CBLB: variants seen among roughly 807,000 people sequenced by gnomAD.
CBLB encodes the protein E3 ubiquitin-protein ligase CBL-B.
Under a neutral mutation model 104.9 loss-of-function variants are expected in CBLB, and 31 were observed. The ratio of observed to expected loss-of-function variants is 0.30; its 90% confidence interval spans 0.22 to 0.40. CBLB has a LOEUF of 0.40. CBLB is among the 10% of genes least tolerant of loss of function. The pLI is 1.00. For missense variants in CBLB, 1,062 were observed against 1,214.6 expected (o/e 0.87, Z 1.87); for synonymous variants, 440 against 422.6 (o/e 1.04, Z -0.51).
In CBLB at chr3:105,811,702, G is replaced by A. The variant is rs181930183; in HGVS notation, c.420-35160C>T. Among the ~76,000 whole-genome samples the A allele has an allele frequency of 2.3e-4, 35 of 151,758 alleles. No homozygotes were observed. The East Asian group carries it at 6.8e-3, about 29-fold the overall frequency. On this transcript the variant is annotated intron_variant, in intron 3 of 18. Transcript: ENST00000394030. ...AAGTTCTGTAATTCTACAACCCTACGAAAATTACTTCCTTTTTTTTTTTTG... is the reference window on the plus strand; with the variant it reads ...AAGTTCTGTAATTCTACAACCCTACAAAAATTACTTCCTTTTTTTTTTTTG...
Position 105,868,810 on chromosome 3 carries a change from TG to T in CBLB, c.-90del. 1 of 995,786 alleles carries T rather than the reference TG, an allele frequency of 1.0e-6. No homozygotes were observed. Among genetic ancestry groups the T allele is most frequent in the Admixed American group, 6.1e-5 (1 of 16,492 alleles). The allele number at this position is 995,786 out of a possible 1,614,324, so 61.7% of individuals were successfully genotyped here. ...CCACACGCACGCAGCCCAGTGTGTGTGGGGAGCCCCGGCTGGGAGTGGGATC... is the reference window on the plus strand; with the variant it reads ...CCACACGCACGCAGCCCAGTGTGTGTGGGAGCCCCGGCTGGGAGTGGGATC... On this transcript the variant is annotated 5_prime_UTR_variant, in exon 1 of 19. Transcript: ENST00000394030.
chr3:105,691,234 G>A (rs1273826794), intron 13 of CBLB, among the ~76,000 whole-genome samples: 5 of 152,166 alleles, frequency 3.3e-5, no homozygotes, highest in African/African-American at 1.2e-4. Flanking sequence ...CATTTGTACT[G>A]CTAACTATGG....
chr3:105,846,174 TTTTGA>T (rs1307307678), intron 3 of CBLB, among the ~76,000 whole-genome samples: 2 of 152,052 alleles, frequency 1.3e-5, no homozygotes, highest in Non-Finnish European at 2.9e-5. Context: ...TAGTTGCCTA[TTTTGA>T]TTTATTTAGA....
At chr3:105,680,753 ATTATT>A (rs1462051226) in intron 16 of CBLB, among the ~76,000 whole-genome samples, 3 of 152,232 alleles carry the variant, frequency 2.0e-5, no homozygotes, top group African/African-American at 7.2e-5. Context: ...TTCATCATAT[ATTATT>A]TTATGTTACA....
At chr3:105,866,872 C>A (rs961109698) in intron 2 of CBLB, among the ~76,000 whole-genome samples, 2 of 152,188 alleles carry the variant, frequency 1.3e-5, no homozygotes, top group Non-Finnish European at 2.9e-5. Flanking sequence ...ATGAAAGAAA[C>A]TGTTAACTCT....
intron 3 of CBLB, among the ~76,000 whole-genome samples, chr3:105,805,300 CA>C (rs1327800027): frequency 1.6e-4 from 24 of 146,148 alleles, no homozygotes; most frequent in Non-Finnish European, 1.3e-4. Flanking sequence ...ATATGGCCCC[CA>C]ATTTTTTTTT....
At chr3:105,838,033 T>C (rs560107845) in intron 3 of CBLB, among the ~76,000 whole-genome samples, 87 of 151,864 alleles carry the variant, frequency 5.7e-4, no homozygotes, top group African/African-American at 1.6e-3. Context: ...CTGGATACCA[T>C]GGGAGACACA....
intron 12 of CBLB, among the ~76,000 whole-genome samples, chr3:105,695,291 T>G (rs1300968425): frequency 6.6e-6 from 1 of 151,876 alleles, no homozygotes; most frequent in African/African-American, 2.4e-5. Context: ...GTATTGGCTC[T>G]AATTTAACAA....
intron 3 of CBLB, among the ~76,000 whole-genome samples, chr3:105,826,147 T>C (rs2086551033): frequency 6.6e-6 from 1 of 152,114 alleles, no homozygotes; most frequent in Non-Finnish European, 1.5e-5. Context: ...ATTTTGTTTA[T>C]GGGGACTCAA....
At chr3:105,810,024 A>G (rs987428350) in intron 3 of CBLB, among the ~76,000 whole-genome samples, 3 of 152,212 alleles carry the variant, frequency 2.0e-5, no homozygotes, top group Admixed American at 2.0e-4. Context: ...AGAAAAAAAG[A>G]AACTTTAAAA....
intron 10 of CBLB, among the ~76,000 whole-genome samples, chr3:105,708,507 T>C (rs1576504301): frequency 6.6e-6 from 1 of 152,140 alleles, no homozygotes; most frequent in East Asian, 1.9e-4. Flanking sequence ...CAAGTATGAC[T>C]ATCTAAGCTC....
chr3:105,867,405 C>T lies in CBLB; in HGVS notation c.168+5G>A, dbSNP rs776176186. On this transcript the variant is annotated splice_donor_5th_base_variant and intron_variant, in intron 2 of 18. Coordinates refer to ENST00000394030, the MANE Select transcript of CBLB (RefSeq NM_170662.5). ...TTCGCACAGGCAACGTCAGACAGAA[C>T]TTACCACTTTGTCCATGAGCTTCCA... The T allele has an allele frequency of 3.1e-6, 5 of 1,614,086 alleles. No homozygotes were observed. The highest frequency in any genetic ancestry group is 4.2e-6 in the Non-Finnish European group (5 of 1,179,944).
At chr3:105,786,689 G>A (rs1577188793) in intron 3 of CBLB, among the ~76,000 whole-genome samples, 1 of 152,084 alleles carries the variant, frequency 6.6e-6, no homozygotes, top group Non-Finnish European at 1.5e-5. Context: ...GTCTAAAATT[G>A]CTTTAAACAG....
intron 6 of CBLB, among the ~76,000 whole-genome samples, chr3:105,742,484 A>T (rs1265076142): frequency 6.6e-6 from 1 of 152,214 alleles, no homozygotes; most frequent in Non-Finnish European, 1.5e-5. Context: ...GTCTAAAAAC[A>T]TATATCCCTA....
chr3:105,774,278 G>GA (rs574517277), intron 4 of CBLB, among the ~76,000 whole-genome samples: 8 of 149,356 alleles, frequency 5.4e-5, no homozygotes, highest in Non-Finnish European at 1.0e-4. Context: ...GAGCATAATG[G>GA]AAAAAAAAAA....
intron 3 of CBLB, among the ~76,000 whole-genome samples, chr3:105,830,964 C>T (rs2087415232): frequency 6.6e-6 from 1 of 152,198 alleles, no homozygotes; most frequent in Non-Finnish European, 1.5e-5. Flanking sequence ...GTGACTAGAA[C>T]TTAGCTGAGG....
intron 3 of CBLB, among the ~76,000 whole-genome samples, chr3:105,824,689 G>A (rs1280071506): frequency 6.6e-6 from 1 of 151,958 alleles, no homozygotes; most frequent in African/African-American, 2.4e-5. Context: ...CCAACTGTGG[G>A]ATTCAAGGTG....
chr3:105,766,893 T>C (rs1485814596), intron 4 of CBLB, among the ~76,000 whole-genome samples: 1 of 152,230 alleles, frequency 6.6e-6, no homozygotes, highest in Non-Finnish European at 1.5e-5. Flanking sequence ...GATTTTCTAA[T>C]GGTACAGAGC....
At chr3:105,868,536 G>A (rs1228004315) in intron 1 of CBLB, 200 bp downstream of exon 1, 3 of 328,662 alleles carry the variant, frequency 9.1e-6, no homozygotes, top group African/African-American at 6.3e-5. Flanking sequence ...CCTCACCGCC[G>A]TCTGCCTGGA....
Sources: gnomAD v4.1 joint callset for allele counts (sites outside exome capture counted in the v4.1 genomes callset) on GRCh38, gnomAD v4.1.1 for gene constraint, MANE v1.5 for transcripts, NCBI Gene and HGNC (gene_info 2026-07-23, HGNC 2026-07-21) for gene names.